Variants in ABCA9 observed in about 807,000 individuals in gnomAD.
ABCA9 encodes the protein ATP binding cassette subfamily A member 9.
Under a neutral mutation model 205.3 loss-of-function variants are expected in ABCA9, and 183 were observed. The observed-to-expected ratio is 0.89, with a 90% CI of 0.79 to 1.01. The LOEUF is 1.01. Among genes scored for constraint, ABCA9 ranks in the 50% least tolerant of loss-of-function variants. The pLI is 0.00. For synonymous variants in ABCA9, 651 were observed against 683.3 expected, an observed-to-expected ratio of 0.95 and a Z score of 0.74; for missense variants, 1,805 against 1,912.4, an observed-to-expected ratio of 0.94 and a Z score of 1.05.
At position 69,020,740 on chromosome 17, in the gene ABCA9, A is replaced by G. The variant is rs542235674; in HGVS notation, c.2402-154T>C. The G allele has an allele frequency of 5.0e-6, 3 of 594,596 alleles. No individual in the cohort carries two copies. The East Asian group carries it at 8.6e-5, about 17-fold the overall frequency. 36.8% of individuals were successfully genotyped at this position (594,596 alleles called of 1,614,324 possible). On this transcript the variant is annotated intron_variant, in intron 18 of 38. Coordinates refer to ENST00000340001, the MANE Select transcript of ABCA9 (RefSeq NM_080283.4). ...TATGACATTATTAGAGCAACTATTG[A>G]AGAAATGGGAAAGAAGCAGAAAGTA...
chr17:69,018,146 TCA>T (rs2070692644), intron 20 of ABCA9: 1 of 390,464 alleles, frequency 2.6e-6, no homozygotes, highest in African/African-American at 2.1e-5. Flanking sequence ...CACAAAGACC[TCA>T]GAGGTGAGTC....
the ABCA9 span, among the ~76,000 whole-genome samples, chr17:69,066,690 A>G: frequency 6.6e-6 from 1 of 152,162 alleles, no homozygotes; most frequent in Non-Finnish European, 1.5e-5. Context: ...AACACGAAGT[A>G]AAGATTTCCG....
Position 68,983,131 on chromosome 17 carries a change from A to G in ABCA9, c.4641-490T>C, listed in dbSNP as rs140565960. On this transcript the variant is annotated intron_variant, in intron 36 of 38. Coordinates refer to ENST00000340001, the MANE Select transcript of ABCA9 (RefSeq NM_080283.4). Reference sequence around the variant, plus strand: ...GTGCTCTTTGATCAACAAGAAGTCAATCTACTAAGAGGAGGAATGAAAGAC... The same window carrying G: ...GTGCTCTTTGATCAACAAGAAGTCAGTCTACTAAGAGGAGGAATGAAAGAC... 3.7e-3 allele frequency among the ~76,000 whole-genome samples: 570 copies of G among 152,322 alleles called. 3 individuals carry two copies. The highest frequency in any genetic ancestry group is 0.012 in the African/African-American group (502 of 41,582).
At chr17:69,063,164 C>A (rs1044118110), upstream of ABCA9, among the ~76,000 whole-genome samples, 11 of 118,856 alleles carry the variant, frequency 9.3e-5, no homozygotes, top group African/African-American at 2.7e-4. Context: ...GCTATGCTGT[C>A]TCATTTGCAT....
In ABCA9 at chr17:68,989,902, C is replaced by A; in HGVS notation, c.3866G>T (p.Arg1289Leu). 1 of 1,612,020 alleles carries A rather than the reference C, an allele frequency of 6.2e-7. No individual in the cohort carries two copies. Among genetic ancestry groups the A allele is most frequent in the Non-Finnish European group, 8.5e-7 (1 of 1,179,062 alleles). ...ETPVIIASCL[R>L]KEYAGKKKNC... Reference sequence around the variant, plus strand: ...TTTCTTTTTGCCTGCATATTCCTTCCGTAGACAGCTGGCAATGATGACGGG... The same window carrying A: ...TTTCTTTTTGCCTGCATATTCCTTCAGTAGACAGCTGGCAATGATGACGGG... The change falls in exon 30 of 39, where the codon CGG (arginine) becomes CTG (leucine). Residue 1289 changes from arginine to leucine, a missense_variant. Transcript: ENST00000340001.
intron 3 of ABCA9, among the ~76,000 whole-genome samples, chr17:69,046,386 A>G (rs889387476): frequency 2.0e-5 from 3 of 152,172 alleles, no homozygotes; most frequent in Non-Finnish European, 4.4e-5. Context: ...AACCAGACTC[A>G]GGTCTAATCC....
the ABCA9 span, among the ~76,000 whole-genome samples, chr17:69,066,476 G>A: frequency 6.6e-6 from 1 of 151,886 alleles, no homozygotes. Flanking sequence ...TTGTTATTTT[G>A]TTTTTTAAAG....
At chr17:69,045,090 T>C in intron 4 of ABCA9, 82 bp downstream of exon 4, 1 of 1,166,252 alleles carries the variant, frequency 8.6e-7, no homozygotes, top group Non-Finnish European at 1.2e-6. Flanking sequence ...GTTTGTGTAG[T>C]TTCACCTCTG....
rs778637484 is a variant in ABCA9, at chr17:69,045,333, C to T, written c.308G>A (p.Arg103Lys). ...TTCATCAGGCCACCCCATGATTGTT[C>T]TTCCTGCCATGTGAAGAAAACAAAA... is the stretch of plus-strand genomic sequence containing the variant. The part of the protein sequence containing the change: ...KVASAPFLKG[R>K]TIMGWPDEKS... The change falls in exon 4 of 39, where the codon AGA becomes AAA. Residue 103 changes from arginine to lysine, a missense_variant. Coordinates refer to ENST00000340001, the MANE Select transcript of ABCA9 (RefSeq NM_080283.4). 8 of 1,606,926 alleles carry T rather than the reference C, an allele frequency of 5.0e-6. No individual in the cohort carries two copies. Among genetic ancestry groups the T allele is most frequent in the Non-Finnish European group, 6.8e-6 (8 of 1,176,422 alleles).
intron 6 of ABCA9, among the ~76,000 whole-genome samples, chr17:69,042,025 G>C (rs1046870339): frequency 6.6e-5 from 10 of 152,134 alleles, no homozygotes; most frequent in African/African-American, 2.4e-4. Flanking sequence ...TAATATCACA[G>C]TGTGTAAAGG....
intron 3 of ABCA9, among the ~76,000 whole-genome samples, chr17:69,046,644 G>A (rs546778784): frequency 1.3e-5 from 2 of 151,622 alleles, no homozygotes; most frequent in South Asian, 4.2e-4. Flanking sequence ...ATATGTGCTT[G>A]TATTTTCTCT....
intron 4 of ABCA9, 131 bp from the exon 5 acceptor site, chr17:69,044,731 G>T: frequency 1.4e-6 from 1 of 701,728 alleles, no homozygotes; most frequent in Non-Finnish European, 2.3e-6. Flanking sequence ...TCAGTTGAGA[G>T]TTGCAGAGCA....
At chr17:69,044,240 T>C (rs571171352) in intron 5 of ABCA9, among the ~76,000 whole-genome samples, 1 of 152,154 alleles carries the variant, frequency 6.6e-6, no homozygotes, top group Non-Finnish European at 1.5e-5. Context: ...AATTCTATGA[T>C]AGAATCTAAA....
Position 68,975,664 on chromosome 17 carries a change from C to T in ABCA9, c.*251G>A, listed in dbSNP as rs776538276. 11 of 338,358 alleles carry T rather than the reference C, an allele frequency of 3.3e-5. No homozygotes were observed. Among genetic ancestry groups the T allele is most frequent in the Non-Finnish European group, 5.9e-5 (11 of 185,040 alleles). 21.0% of individuals were successfully genotyped at this position (338,358 alleles called of 1,614,324 possible). On this transcript the variant is annotated 3_prime_UTR_variant, in exon 39 of 39. Coordinates refer to ENST00000340001, the MANE Select transcript of ABCA9 (RefSeq NM_080283.4). ...ATTCTATAATAAATGCATTTTTAAACTTAACACAGTAGGAAACATGGGATT... is the reference window on the plus strand; with the variant it reads ...ATTCTATAATAAATGCATTTTTAAATTTAACACAGTAGGAAACATGGGATT...
chr17:69,056,192 C>G (rs556848595), intron 1 of ABCA9, among the ~76,000 whole-genome samples: 18 of 151,926 alleles, frequency 1.2e-4, no homozygotes, highest in African/African-American at 3.9e-4. Flanking sequence ...AAACGGAAAA[C>G]AGGAAATCAA....
intron 25 of ABCA9, among the ~76,000 whole-genome samples, chr17:68,997,230 C>G (rs1035885629): frequency 2.6e-5 from 4 of 152,236 alleles, no homozygotes; most frequent in African/African-American, 9.6e-5. Flanking sequence ...TGAGCTCGGC[C>G]AAATTATTCT....
rs370004405 is a variant in ABCA9 at position 69,055,842 on chromosome 17, A to T, written c.-13-4703T>A. Among the ~76,000 whole-genome samples, 159 of 152,340 alleles carry T rather than the reference A, an allele frequency of 1.0e-3. 1 individual carries two copies. The highest frequency in any genetic ancestry group is 6.8e-3 in the Middle Eastern group (2 of 294). The stretch of plus-strand genomic sequence containing the variant: ...TCTTGGGCAATGGTAGAATTACACT[A>T]GAAATCAGTAATAGAAAGATAACTG... On this transcript the variant is annotated intron_variant, in intron 1 of 38. Transcript: ENST00000340001.
Position 69,023,916 on chromosome 17 carries a change from C to T in ABCA9, c.2281+298G>A, listed in dbSNP as rs1291801534. 2.0e-5 allele frequency among the ~76,000 whole-genome samples: 3 copies of T among 152,042 alleles called. No homozygotes were observed. Among genetic ancestry groups the T allele is most frequent in the Non-Finnish European group, 4.4e-5 (3 of 68,004 alleles). ...CCTGACCACACTCTCTCATTCATTA[C>T]TGAAACAAATTTTCCAAATAATTCT... is the stretch of plus-strand genomic sequence containing the variant. On this transcript the variant is annotated intron_variant, in intron 17 of 38. Coordinates refer to ENST00000340001, the MANE Select transcript of ABCA9 (RefSeq NM_080283.4). This position sits in a 1 kb window ranked among gnomAD's most constrained non-coding sequence, Gnocchi z 4.2.
chr17:69,039,943 A>G (rs1357218297), intron 6 of ABCA9, among the ~76,000 whole-genome samples: 1 of 152,226 alleles, frequency 6.6e-6, no homozygotes, highest in Non-Finnish European at 1.5e-5. Context: ...CAGCCAACAA[A>G]CATATGAAAA....
Sources: gnomAD v4.1 joint callset for allele counts (sites outside exome capture counted in the v4.1 genomes callset) on GRCh38, gnomAD v4.1.1 for gene constraint, Gnocchi (gnomAD v3.1) non-coding constraint, MANE v1.5 for transcripts, NCBI Gene and HGNC (gene_info 2026-07-23, HGNC 2026-07-21) for gene names.